Variants in PIN4 observed in about 807,000 individuals in gnomAD.
PIN4 encodes the protein peptidylprolyl cis/trans isomerase, NIMA-interacting 4, also known as peptidyl-prolyl cis-trans isomerase NIMA-interacting 4.
In PIN4, 3 loss-of-function variants were observed where a neutral mutation model predicts 8.3. The ratio of observed to expected loss-of-function variants is 0.36; its 90% CI spans 0.16 to 0.93. The LOEUF is 0.93. Among genes scored for constraint, PIN4 ranks in the 40% least tolerant of loss-of-function variants. The pLI, the probability that PIN4 is intolerant of heterozygous loss-of-function variation, is 0.44. For missense variants in PIN4, 75 were observed against 100.6 expected (o/e 0.75, Z 1.09); for synonymous variants, 18 against 32.5 (o/e 0.55, Z 1.52).
chrX:72,190,761 T>C (rs1341037601), intron 2 of PIN4, among the ~76,000 whole-genome samples: 1 of 109,923 alleles, frequency 9.1e-6, no homozygotes, highest in Non-Finnish European at 1.9e-5. Context: ...AAGATCAGCC[T>C]GGCCAACATG....
intron 3 of PIN4, among the ~76,000 whole-genome samples, chrX:72,258,646 G>A (rs2043123812): frequency 9.0e-6 from 1 of 111,345 alleles, no homozygotes; most frequent in South Asian, 3.8e-4. Context: ...TCTGACATCA[G>A]AATGCCTGGG....
chrX:72,222,337 T>C (rs1469802180), intron 3 of PIN4, among the ~76,000 whole-genome samples: 2 of 111,595 alleles, frequency 1.8e-5, no homozygotes, highest in African/African-American at 3.3e-5. Flanking sequence ...TCACTCCTGA[T>C]GAAAAGGAGA....
At chrX:72,246,445 A>G (rs916040069) in intron 3 of PIN4, among the ~76,000 whole-genome samples, 1 of 111,184 alleles carries the variant, frequency 9.0e-6, no homozygotes, top group African/African-American at 3.3e-5. Context: ...AAAAACCAGA[A>G]TCATCTTTCA....
intron 2 of PIN4, among the ~76,000 whole-genome samples, chrX:72,193,790 T>C (rs2042748886): frequency 9.2e-6 from 1 of 109,176 alleles, no homozygotes; most frequent in Non-Finnish European, 1.9e-5. Context: ...CAAGAATCGC[T>C]TGAACCTGGG....
At chrX:72,253,123 A>G (rs2043094634) in intron 3 of PIN4, among the ~76,000 whole-genome samples, 1 of 111,522 alleles carries the variant, frequency 9.0e-6, no homozygotes, top group Admixed American at 9.5e-5. Flanking sequence ...TCAGTTGCTC[A>G]AACCAAAAAC....
rs2042704119 is a variant in PIN4 at position 72,186,486 on chromosome X, T to C, written c.69T>C (p.Ser23=). 1 of 1,202,048 alleles carries C rather than the reference T, an allele frequency of 8.3e-7. No individual in the cohort carries two copies. The highest frequency in any genetic ancestry group is 1.1e-6 in the Non-Finnish European group (1 of 889,111). The change falls in exon 2 of 4, where the codon AGT becomes AGC. Residue 23 remains serine, a synonymous_variant. Coordinates refer to ENST00000373669, the MANE Select transcript of PIN4 (RefSeq NM_006223.4). ...GGGGAGCAGCCTCTGGGAGTGACAGTGCTGACAAGAAGGCTCAAGGTCCCA... is the reference window on the plus strand; with the variant it reads ...GGGGAGCAGCCTCTGGGAGTGACAGCGCTGACAAGAAGGCTCAAGGTCCCA... ...GKGGAASGSD[S]ADKKAQGPKG... is the part of the protein sequence containing the mutation.
At chrX:72,191,993 C>T (rs923871572) in intron 2 of PIN4, among the ~76,000 whole-genome samples, 4 of 110,270 alleles carry the variant, frequency 3.6e-5, no homozygotes, top group Non-Finnish European at 7.6e-5. Context: ...CTCTTGTTGC[C>T]CAGGCTGGAG....
intron 3 of PIN4, among the ~76,000 whole-genome samples, chrX:72,251,484 G>A (rs1449976581): frequency 9.0e-6 from 1 of 111,114 alleles, no homozygotes; most frequent in African/African-American, 3.3e-5. Context: ...CTACATAAGG[G>A]ATAAATGAAT....
intron 3 of PIN4, among the ~76,000 whole-genome samples, chrX:72,218,556 C>T (rs753061615): frequency 1.9e-5 from 2 of 106,513 alleles, no homozygotes; most frequent in South Asian, 4.3e-4. Context: ...TGCAGTGGCA[C>T]GGTCTTGGTT....
At chrX:72,200,585 G>A (rs1312149148), downstream of PIN4, among the ~76,000 whole-genome samples, 1 of 111,906 alleles carries the variant, frequency 8.9e-6, no homozygotes, top group Non-Finnish European at 1.9e-5. Context: ...AGCATTATTT[G>A]GAAACAAACT....
chrX:72,246,670 C>A (rs2043068385), intron 3 of PIN4, among the ~76,000 whole-genome samples: 2 of 111,685 alleles, frequency 1.8e-5, no homozygotes, highest in African/African-American at 6.5e-5. Flanking sequence ...CTATTCAGAT[C>A]TTGCCTCCAG....
intron 3 of PIN4, among the ~76,000 whole-genome samples, chrX:72,258,407 C>G (rs758909700): frequency 2.7e-5 from 3 of 112,421 alleles, no homozygotes; most frequent in Non-Finnish European, 3.8e-5. Context: ...GGGCTCCCCC[C>G]ACAGCCACAC....
At chrX:72,252,860 A>G (rs1196475017) in intron 3 of PIN4, among the ~76,000 whole-genome samples, 2 of 111,885 alleles carry the variant, frequency 1.8e-5, no homozygotes, top group Non-Finnish European at 3.8e-5. Context: ...CAGGTATCTT[A>G]CCATGTTTCT....
chrX:72,218,509 T>G (rs1331373905), intron 3 of PIN4, among the ~76,000 whole-genome samples: 1 of 107,604 alleles, frequency 9.3e-6, no homozygotes, highest in Non-Finnish European at 1.9e-5. Flanking sequence ...TTTTTTTTTT[T>G]GGAAACAAGA....
At chrX:72,253,740 G>A (rs936072034) in intron 3 of PIN4, among the ~76,000 whole-genome samples, 21 of 109,533 alleles carry the variant, frequency 1.9e-4, no homozygotes, top group African/African-American at 5.3e-4. Context: ...TTCAAGACCA[G>A]CCTGGGTGAC....
chrX:72,253,260 C>T (rs2043095039), intron 3 of PIN4, among the ~76,000 whole-genome samples: 1 of 112,279 alleles, frequency 8.9e-6, no homozygotes, highest in Admixed American at 9.5e-5. Context: ...AAGCCTAAGC[C>T]ACCTGGAATT....
intron 3 of PIN4, among the ~76,000 whole-genome samples, chrX:72,246,351 G>A (rs2043067169): frequency 9.0e-6 from 1 of 111,594 alleles, no homozygotes; most frequent in South Asian, 3.7e-4. Context: ...CCACCATTCT[G>A]TCTCACTTGG....
intron 3 of PIN4, among the ~76,000 whole-genome samples, chrX:72,203,863 CAG>C (rs763052955): frequency 3.1e-4 from 35 of 112,060 alleles, no homozygotes; most frequent in Middle Eastern, 4.6e-3. Flanking sequence ...TCTCTGGTGA[CAG>C]AGTGCAGCGT....
intron 3 of PIN4, among the ~76,000 whole-genome samples, chrX:72,210,245 A>G (rs920002031): frequency 1.8e-5 from 2 of 109,233 alleles, no homozygotes; most frequent in Non-Finnish European, 3.8e-5. Flanking sequence ...AAATAAATAA[A>G]TGGAAAAAAG....
Sources: gnomAD v4.1 joint callset for allele counts (sites outside exome capture counted in the v4.1 genomes callset) on GRCh38, gnomAD v4.1.1 for gene constraint, MANE v1.5 for transcripts, NCBI Gene and HGNC (gene_info 2026-07-23, HGNC 2026-07-21) for gene names.